Variants in SLC60A1 observed in about 807,000 individuals in gnomAD.
SLC60A1 encodes the protein solute carrier family 60 member 1, also known as major facilitator superfamily domain containing 4.
the SLC60A1 span, among the ~76,000 whole-genome samples, chr1:205,574,081 A>G: frequency 6.6e-6 from 1 of 152,136 alleles, no homozygotes; most frequent in Admixed American, 6.5e-5. Context: ...ATATTCTAAA[A>G]ACCATTGAAT....
At chr1:205,598,091 C>G in the SLC60A1 span, 1 of 449,650 alleles carries the variant, frequency 2.2e-6, no homozygotes. Flanking sequence ...AAAGCAAACA[C>G]AAGCCATGTC....
the SLC60A1 span, chr1:205,597,879 A>G: frequency 6.2e-7 from 1 of 1,608,836 alleles, no homozygotes. Flanking sequence ...GGGAGAGGGG[A>G]GCATTTGGGG....
At chr1:205,593,522 G>A in the SLC60A1 span, among the ~76,000 whole-genome samples, 10,624 of 151,318 alleles carry the variant, frequency 0.07, 1,204 homozygotes, top group African/African-American at 0.24. Context: ...TGTACAGGGA[G>A]AGTCAGGGCA....
At chr1:205,578,263 A>G in the SLC60A1 span, among the ~76,000 whole-genome samples, 2 of 152,214 alleles carry the variant, frequency 1.3e-5, no homozygotes, top group South Asian at 4.1e-4. Flanking sequence ...CTATCCCTGA[A>G]GTCAGGCCAC....
chr1:205,578,336 G>A, the SLC60A1 span, among the ~76,000 whole-genome samples: 3 of 152,158 alleles, frequency 2.0e-5, no homozygotes, highest in South Asian at 2.1e-4. Context: ...GAACTATGAT[G>A]AGCAGCCTGC....
the SLC60A1 span, chr1:205,579,949 G>A: frequency 6.2e-7 from 1 of 1,611,818 alleles, no homozygotes. Context: ...TCTTCCTCCA[G>A]GTAAGCCCGG....
the SLC60A1 span, among the ~76,000 whole-genome samples, chr1:205,596,885 G>A: frequency 6.6e-6 from 1 of 152,182 alleles, no homozygotes; most frequent in South Asian, 2.1e-4. Context: ...GTCTGTGAAG[G>A]AGGTGTGATG....
the SLC60A1 span, chr1:205,597,590 C>T: frequency 2.3e-5 from 12 of 531,946 alleles, no homozygotes; most frequent in African/African-American, 2.3e-4. Context: ...GAGACCAAGT[C>T]TTGTGATATT....
At chr1:205,585,934 C>A in the SLC60A1 span, 2 of 1,326,156 alleles carry the variant, frequency 1.5e-6, no homozygotes, top group Admixed American at 2.7e-5. This position sits in a 1 kb window ranked among gnomAD's most constrained non-coding sequence, Gnocchi z 4.2. Context: ...GGCAGTCCTC[C>A]CTCTGCCCTC....
chr1:205,587,046 C>A, the SLC60A1 span, among the ~76,000 whole-genome samples: 1 of 152,128 alleles, frequency 6.6e-6, no homozygotes, highest in South Asian at 2.1e-4. Flanking sequence ...CTTCAAGGAA[C>A]TGATCTGCCT....
At chr1:205,597,001 T>G in the SLC60A1 span, among the ~76,000 whole-genome samples, 1 of 152,192 alleles carries the variant, frequency 6.6e-6, no homozygotes, top group Non-Finnish European at 1.5e-5. Context: ...AGTCTGACTC[T>G]GAAGCTTGGG....
At chr1:205,587,903 T>A in the SLC60A1 span, among the ~76,000 whole-genome samples, 2 of 152,060 alleles carry the variant, frequency 1.3e-5, no homozygotes, top group African/African-American at 2.4e-5. Flanking sequence ...TGGGTGGAAA[T>A]CTGGGTTTGG....
chr1:205,593,650 G>A, the SLC60A1 span, among the ~76,000 whole-genome samples: 3 of 151,946 alleles, frequency 2.0e-5, no homozygotes, highest in South Asian at 2.1e-4. Context: ...TCTTTTCTAC[G>A]ATAAACCTGC....
At chr1:205,571,910 G>C in the SLC60A1 span, among the ~76,000 whole-genome samples, 1 of 152,202 alleles carries the variant, frequency 6.6e-6, no homozygotes, top group Admixed American at 6.5e-5. Flanking sequence ...GGGGGAGTGG[G>C]GGAAAGTTTA....
At chr1:205,588,025 G>A in the SLC60A1 span, among the ~76,000 whole-genome samples, 2 of 152,290 alleles carry the variant, frequency 1.3e-5, no homozygotes, top group South Asian at 2.1e-4. Flanking sequence ...CCCAGACTGA[G>A]TGAATCCGAA....
the SLC60A1 span, among the ~76,000 whole-genome samples, chr1:205,573,884 G>A: frequency 1.4e-4 from 21 of 152,036 alleles, no homozygotes; most frequent in Admixed American, 1.2e-3. Context: ...TTTTAGTGGA[G>A]ACAGGTTTCA....
At chr1:205,588,331 G>A in the SLC60A1 span, among the ~76,000 whole-genome samples, 28 of 152,056 alleles carry the variant, frequency 1.8e-4, no homozygotes, top group South Asian at 4.2e-4. Flanking sequence ...TTAGCCGGGC[G>A]TGGTGGCGCC....
At chr1:205,588,347 G>A in the SLC60A1 span, among the ~76,000 whole-genome samples, 1 of 151,926 alleles carries the variant, frequency 6.6e-6, no homozygotes, top group African/African-American at 2.4e-5. Flanking sequence ...GCGCCTGCCT[G>A]TAATCCCAAC....
chr1:205,588,934 T>C, the SLC60A1 span, among the ~76,000 whole-genome samples: 1,723 of 152,216 alleles, frequency 0.011, 12 homozygotes, highest in Non-Finnish European at 0.017. Flanking sequence ...GGATGCAGGC[T>C]CAGTACCAGA....
Sources: gnomAD v4.1 joint callset for allele counts (sites outside exome capture counted in the v4.1 genomes callset) on GRCh38, gnomAD v4.1.1 for gene constraint, Gnocchi (gnomAD v3.1) non-coding constraint, MANE v1.5 for transcripts, NCBI Gene and HGNC (gene_info 2026-07-23, HGNC 2026-07-21) for gene names.